HACD4: variants seen among roughly 807,000 people sequenced by gnomAD.
The protein encoded by HACD4 is very-long-chain (3R)-3-hydroxyacyl-CoA dehydratase 4.
A neutral mutation model predicts 33.3 loss-of-function variants in HACD4; 35 were observed. That is an observed-to-expected ratio of 1.05 (90% CI 0.80 to 1.39). The LOEUF (loss-of-function observed/expected upper bound fraction) is 1.39, where lower values mean the gene tolerates loss of function less well. Among genes scored for constraint, HACD4 ranks in the 40% most tolerant of loss-of-function variants. HACD4 has a pLI of 0.00. For synonymous variants in HACD4, 118 were observed against 98.0 expected, an observed-to-expected ratio of 1.20 and a Z score of -1.21; for missense variants, 323 against 276.5, an observed-to-expected ratio of 1.17 and a Z score of -1.19.
chr9:21,031,400 C>G (rs1358624901), intron 1 of HACD4, 153 bp downstream of exon 1: 2 of 952,922 alleles, frequency 2.1e-6, no homozygotes, highest in Non-Finnish European at 2.5e-6. Context: ...TAGCAAATAC[C>G]TGCATGAGCT....
chr9:21,017,235 T>G (rs577682222), intron 3 of HACD4, among the ~76,000 whole-genome samples: 8 of 152,260 alleles, frequency 5.3e-5, no homozygotes, highest in African/African-American at 1.9e-4. Flanking sequence ...AATCCAAGAT[T>G]TGCCAACAGT....
intron 3 of HACD4, among the ~76,000 whole-genome samples, chr9:21,018,495 C>G (rs1294215857): frequency 1.3e-5 from 2 of 152,140 alleles, no homozygotes; most frequent in African/African-American, 2.4e-5. Flanking sequence ...AAAAATTAAG[C>G]CTTAAAACAA....
chr9:21,024,204 A>G (rs1441552607), intron 3 of HACD4, among the ~76,000 whole-genome samples: 1 of 152,266 alleles, frequency 6.6e-6, no homozygotes, highest in Non-Finnish European at 1.5e-5. Context: ...CACAAAAAGG[A>G]TGATAAATTA....
intron 5 of HACD4, among the ~76,000 whole-genome samples, chr9:21,009,038 G>T (rs1044492118): frequency 1.4e-4 from 22 of 152,168 alleles, no homozygotes; most frequent in African/African-American, 5.3e-4. Flanking sequence ...AACACAGGCC[G>T]CACCTATGTC....
chr9:21,008,500 T>TA (rs1293597186), intron 5 of HACD4, among the ~76,000 whole-genome samples: 2 of 152,176 alleles, frequency 1.3e-5, no homozygotes, highest in Admixed American at 6.5e-5. Flanking sequence ...ATTTTCCTCT[T>TA]AGAGTTTCAC....
Position 21,004,429 on chromosome 9 carries a change from A to G in HACD4, c.*2608T>C, listed in dbSNP as rs779082668. Reference sequence around the variant, plus strand: ...TGCTGGTGTCCCCCATTAAATTCACATGTTGAAAATCTAATCTCCAGTGTG... The same window carrying G: ...TGCTGGTGTCCCCCATTAAATTCACGTGTTGAAAATCTAATCTCCAGTGTG... On this transcript the variant is annotated 3_prime_UTR_variant, in exon 7 of 7. Transcript: ENST00000495827. This position sits in a 1 kb window ranked among gnomAD's most constrained non-coding sequence, Gnocchi z 4.6. 1 of 152,224 alleles carries G rather than the reference A, an allele frequency of 6.6e-6. No homozygotes were observed. Among genetic ancestry groups the G allele is most frequent in the Non-Finnish European group, 1.5e-5 (1 of 68,056 alleles). 9.4% of individuals were successfully genotyped at this position (152,224 alleles called of 1,614,324 possible).
At chr9:21,028,927 C>G (rs1818133604) in intron 2 of HACD4, among the ~76,000 whole-genome samples, 1 of 152,188 alleles carries the variant, frequency 6.6e-6, no homozygotes. Context: ...AATACAAACA[C>G]TGGAAGAATT....
intron 5 of HACD4, 84 bp from the exon 6 acceptor site, chr9:21,008,230 T>C (rs924238614): frequency 4.2e-6 from 5 of 1,188,790 alleles, no homozygotes; most frequent in Non-Finnish European, 5.7e-6. Flanking sequence ...AGTTGTAGGA[T>C]ATTTTGAATT....
In HACD4 at chr9:21,008,047, T is replaced by C; in HGVS notation, c.590A>G (p.Lys197Arg). ...TATAAAGAGCATCATGAGATATATT[T>C]TCAGCACATATGGGAAATAGATGGA... ...DLSIYFPYVLKIYLMMLFIGM... is the reference protein window; with the variant it reads ...DLSIYFPYVLRIYLMMLFIGM... The change falls in exon 6 of 7, where the codon AAA becomes AGA. Residue 197 changes from lysine (K) to arginine (R), a missense_variant. Lys to Arg is a conservative substitution (Grantham distance 26). Transcript: ENST00000495827. 6.2e-7 allele frequency: 1 copy of C among 1,606,628 alleles called. No homozygotes were observed. Among genetic ancestry groups the C allele is most frequent in the Non-Finnish European group, 8.5e-7 (1 of 1,176,822 alleles).
rs372849962 is a variant in HACD4, at chr9:21,004,901, A to G, written c.*2136T>C. On this transcript the variant is annotated 3_prime_UTR_variant, in exon 7 of 7. Coordinates refer to ENST00000495827, the MANE Select transcript of HACD4 (RefSeq NM_001010915.5). This position sits in a 1 kb window ranked among gnomAD's most constrained non-coding sequence, Gnocchi z 4.6. ...ACTAGTTTTTTTGCTAGAAAAAGCC[A>G]GTATTGCCATGAAGGGATTGATAGA... is the stretch of plus-strand genomic sequence containing the variant. The G allele has an allele frequency of 1.3e-5, 2 of 152,300 alleles. No homozygotes were observed. Among genetic ancestry groups the G allele is most frequent in the African/African-American group, 4.8e-5 (2 of 41,562 alleles). 9.4% of individuals were successfully genotyped at this position (152,300 alleles called of 1,614,324 possible). A position where few individuals can be genotyped will look rare whatever the true frequency, so the allele number is the denominator to read the frequency against.
At chr9:21,018,914 T>C (rs1344437451) in intron 3 of HACD4, among the ~76,000 whole-genome samples, 4 of 152,096 alleles carry the variant, frequency 2.6e-5, no homozygotes, top group African/African-American at 9.7e-5. Flanking sequence ...TTATAAGCTA[T>C]GGGAGGGTAA....
chr9:21,026,265 G>C (rs1818058253), intron 3 of HACD4, among the ~76,000 whole-genome samples: 1 of 152,186 alleles, frequency 6.6e-6, no homozygotes, highest in African/African-American at 2.4e-5. Context: ...CAGGCTTCAA[G>C]CCTAAGTCTC....
chr9:21,019,287 C>A (rs778605333), intron 3 of HACD4, among the ~76,000 whole-genome samples: 30 of 151,976 alleles, frequency 2.0e-4, no homozygotes, highest in Non-Finnish European at 3.7e-4. Context: ...GCTCAAGAGC[C>A]AAAGAGCTTA....
chr9:21,030,483 CA>C (rs761055190), intron 1 of HACD4, among the ~76,000 whole-genome samples: 4 of 152,012 alleles, frequency 2.6e-5, no homozygotes, highest in Admixed American at 1.3e-4. Flanking sequence ...ACAACAACAA[CA>C]AAAAATCCAT....
intron 1 of HACD4, among the ~76,000 whole-genome samples, chr9:21,030,131 T>A (rs1230839208): frequency 2.0e-5 from 3 of 152,048 alleles, no homozygotes; most frequent in African/African-American, 7.2e-5. Context: ...CGAAGGTGGC[T>A]TTGAATATTC....
At chr9:21,028,853 T>G (rs1264755312) in intron 2 of HACD4, among the ~76,000 whole-genome samples, 1 of 152,186 alleles carries the variant, frequency 6.6e-6, no homozygotes, top group Non-Finnish European at 1.5e-5. Context: ...AAATAGAGGC[T>G]TGGGGAATAT....
intron 4 of HACD4, 188 bp downstream of exon 4, chr9:21,015,710 G>A: frequency 2.2e-6 from 1 of 463,818 alleles, no homozygotes; most frequent in South Asian, 3.8e-5. Context: ...ACCACGGTAG[G>A]TTTTCATTAT....
intron 1 of HACD4, 171 bp downstream of exon 1, chr9:21,031,382 G>C (rs1564284009): frequency 4.7e-6 from 4 of 848,820 alleles, no homozygotes; most frequent in Non-Finnish European, 4.3e-6. Flanking sequence ...TGGTCAAGAG[G>C]GGTAAGTTAG....
chr9:21,021,221 A>T (rs1390534378), intron 3 of HACD4, among the ~76,000 whole-genome samples: 1 of 152,316 alleles, frequency 6.6e-6, no homozygotes, highest in Non-Finnish European at 1.5e-5. Context: ...TATTGATGGG[A>T]CGTATCTCAA....
Sources: allele counts gnomAD v4.1 joint callset (sites outside exome capture counted in the v4.1 genomes callset), GRCh38; gene constraint gnomAD v4.1.1; non-coding constraint Gnocchi (gnomAD v3.1); transcripts MANE v1.5; gene names NCBI Gene and HGNC (gene_info 2026-07-23, HGNC 2026-07-21).